The following PKP1 variants were observed in gnomAD, a reference collection of about 807,000 sequenced individuals.
PKP1 encodes plakophilin-1.
Under a neutral mutation model 76.4 loss-of-function variants are expected in PKP1, and 27 were observed. The observed-to-expected ratio is 0.35, with a 90% CI of 0.26 to 0.49. PKP1 has a LOEUF of 0.49. Among genes scored for constraint, PKP1 ranks in the 20% least tolerant of loss-of-function variants. PKP1 has a pLI of 0.99. For missense variants in PKP1, 964 were observed against 955.2 expected, an observed-to-expected ratio of 1.01 and a Z score of -0.12; for synonymous variants, 404 against 384.2, an observed-to-expected ratio of 1.05 and a Z score of -0.60.
In PKP1 at chr1:201,294,044, C is replaced by T. The variant is rs367643085; in HGVS notation, c.305C>T (p.Pro102Leu). ...GCAGGGAATGGCTCATGGGGATATC[C>T]GGTAAGGAACTGCTTCCATCCTAAA... ...FQAGNGSWGYPIYNGTLKREP... is the reference protein window; with the variant it reads ...FQAGNGSWGYLIYNGTLKREP... The change falls in exon 2 of 14, where the codon CCG (proline) becomes CTG (leucine). Residue 102 changes from proline (P) to leucine (L), a missense_variant and splice_region_variant. Coordinates refer to ENST00000367324, the MANE Select transcript of PKP1 (RefSeq NM_001005337.3). 3.0e-5 allele frequency: 48 copies of T among 1,593,444 alleles called. No individual in the cohort carries two copies. The highest frequency in any genetic ancestry group is 1.7e-4 in the Middle Eastern group (1 of 6,052).
intron 8 of PKP1, 21 bp from the exon 9 acceptor site, chr1:201,322,992 T>A (rs372086311): frequency 2.9e-5 from 47 of 1,613,262 alleles, no homozygotes; most frequent in Admixed American, 5.0e-5. Flanking sequence ...TTGACCCCCC[T>A]GACCGGCTCT....
chr1:201,320,785 A>G (rs1424262678), intron 7 of PKP1, among the ~76,000 whole-genome samples: 3 of 152,172 alleles, frequency 2.0e-5, no homozygotes, highest in Non-Finnish European at 4.4e-5. Context: ...GGTGGTGCTG[A>G]GGCCTGTCCT....
intron 12 of PKP1, 90 bp from the exon 13 acceptor site, chr1:201,328,672 G>C (rs777096368): frequency 8.9e-7 from 1 of 1,124,136 alleles, no homozygotes; most frequent in Non-Finnish European, 1.4e-6. Flanking sequence ...GTGAGCCGAG[G>C]TTGCTCTGGG....
intron 2 of PKP1, among the ~76,000 whole-genome samples, chr1:201,301,304 C>T (rs1161379837): frequency 6.6e-6 from 1 of 152,128 alleles, no homozygotes; most frequent in Non-Finnish European, 1.5e-5. Flanking sequence ...CTTTGGCAGC[C>T]CAGGATGCGA....
At chr1:201,296,844 A>G (rs1656092190) in intron 2 of PKP1, among the ~76,000 whole-genome samples, 1 of 152,190 alleles carries the variant, frequency 6.6e-6, no homozygotes, top group Non-Finnish European at 1.5e-5. Context: ...TATTGTCATG[A>G]CCTGGGTTTG....
chr1:201,325,210 C>T (rs1657079381), intron 11 of PKP1, 83 bp downstream of exon 11: 4 of 1,397,068 alleles, frequency 2.9e-6, no homozygotes, highest in African/African-American at 1.4e-5. Context: ...TCCCGCAGCT[C>T]TCCATGGAGT....
intron 3 of PKP1, chr1:201,316,125 C>CGGACGGAT (rs1656724560): frequency 4.2e-5 from 2 of 47,656 alleles, no homozygotes; most frequent in Admixed American, 2.6e-4. Context: ...GACGGATGGA[C>CGGACGGAT]GGACGGACGG....
chr1:201,284,648 G>A lies in PKP1; in HGVS notation c.202+744G>A, dbSNP rs555171517. ...CAGTGGGTCCCTTGACGACAGGGAA[G>A]GGGGTCAGGGATGCTTTCTTTCCCG... is the stretch of plus-strand genomic sequence containing the variant. On this transcript the variant is annotated intron_variant, in intron 1 of 13. Transcript: ENST00000367324. Among the ~76,000 whole-genome samples, 67 of 152,342 alleles carry A rather than the reference G, an allele frequency of 4.4e-4. 1 individual carries two copies. Among genetic ancestry groups the A allele is most frequent in the African/African-American group, 1.5e-3 (64 of 41,582 alleles).
intron 1 of PKP1, 76 bp downstream of exon 1, chr1:201,283,980 G>C (rs1302256459): frequency 7.5e-7 from 1 of 1,340,798 alleles, no homozygotes; most frequent in Non-Finnish European, 1.1e-6. Context: ...ACCAAGAGAC[G>C]CACGCATCCC....
Position 201,313,161 on chromosome 1 carries a change from G to T in PKP1, c.307-5G>T, listed in dbSNP as rs750189404. On this transcript the variant is annotated splice_polypyrimidine_tract_variant and splice_region_variant and intron_variant, in intron 2 of 13. Transcript: ENST00000367324. ...GACTGAGCTTTTCTCCCTTTCCCTG[G>T]CCAGATCTACAATGGAACCCTCAAG... 9.3e-6 allele frequency: 15 copies of T among 1,609,002 alleles called. 1 individual carries two copies. In the Admixed American group the frequency reaches 1.0e-4, roughly 11 times the overall value.
rs1364824507 is a variant in PKP1 at position 201,331,723 on chromosome 1, TG to T, written c.*1687del. On this transcript the variant is annotated 3_prime_UTR_variant, in exon 14 of 14. Transcript: ENST00000367324. Reference sequence around the variant, plus strand: ...TGTGGACTCAGTATGATAACTGAGATGGGGGACGCCAGACATGTGAGGACGC... The same window carrying T: ...TGTGGACTCAGTATGATAACTGAGATGGGGACGCCAGACATGTGAGGACGC... 6.6e-6 allele frequency: 1 copy of T among 152,218 alleles called. No homozygotes were observed. The highest frequency in any genetic ancestry group is 2.4e-5 in the African/African-American group (1 of 41,424). The allele number at this position is 152,218 out of a possible 1,614,324, so 9.4% of individuals were successfully genotyped here.
chr1:201,326,984 G>A (rs3820427), intron 12 of PKP1, among the ~76,000 whole-genome samples: 15,060 of 152,228 alleles, frequency 0.099, 1,071 homozygotes, highest in African/African-American at 0.21. Context: ...AGGACCAGGG[G>A]ATGGACACTG....
At chr1:201,304,456 A>G (rs1475831536) in intron 2 of PKP1, among the ~76,000 whole-genome samples, 2 of 152,178 alleles carry the variant, frequency 1.3e-5, no homozygotes, top group African/African-American at 2.4e-5. Context: ...AGTTATCATG[A>G]CCACAAGGTC....
chr1:201,322,255 C>A (rs549216555), intron 8 of PKP1, 122 bp downstream of exon 8: 3 of 1,051,936 alleles, frequency 2.9e-6, no homozygotes, highest in East Asian at 2.5e-5. Flanking sequence ...GGGACAGGCC[C>A]ATGCTGACAC....
At position 201,286,973 on chromosome 1, in the gene PKP1, G is replaced by A. The variant is rs550152340; in HGVS notation, c.202+3069G>A. On this transcript the variant is annotated intron_variant, in intron 1 of 13. Transcript: ENST00000367324. ...CTTGCCCTAACCCAAGCGCTCCCCC[G>A]CCACTGTGAATACAGATCACACCCA... 9.2e-5 allele frequency among the ~76,000 whole-genome samples: 14 copies of A among 152,162 alleles called. No homozygotes were observed. In the South Asian group the frequency reaches 1.0e-3, roughly 11 times the overall value.
At position 201,328,846 on chromosome 1, in the gene PKP1, G is replaced by A; in HGVS notation, c.*10G>A. 6.2e-7 allele frequency: 1 copy of A among 1,610,622 alleles called. No homozygotes were observed. On this transcript the variant is annotated 3_prime_UTR_variant, in exon 13 of 14. Coordinates refer to ENST00000367324, the MANE Select transcript of PKP1 (RefSeq NM_001005337.3). ...CACCTCCCGATTCTAAGAAGAGACTGTCCAAGCAAGTTAGGCTTGCAGGTA... is the reference window on the plus strand; with the variant it reads ...CACCTCCCGATTCTAAGAAGAGACTATCCAAGCAAGTTAGGCTTGCAGGTA...
rs147863237 is a variant in PKP1 at position 201,293,309 on chromosome 1, C to T, written c.203-633C>T. On this transcript the variant is annotated intron_variant, in intron 1 of 13. Coordinates refer to ENST00000367324, the MANE Select transcript of PKP1 (RefSeq NM_001005337.3). ...CTAATAACCCTAATGACACTCTGTC[C>T]TCCTGCGGAGCCTGTCATTTGTGGG... is the stretch of plus-strand genomic sequence containing the variant. 1.2e-3 allele frequency among the ~76,000 whole-genome samples: 186 copies of T among 152,284 alleles called. 1 individual carries two copies. The highest frequency in any genetic ancestry group is 4.1e-3 in the African/African-American group (171 of 41,556).
intron 2 of PKP1, among the ~76,000 whole-genome samples, chr1:201,301,490 T>C (rs993709050): frequency 6.6e-6 from 1 of 152,162 alleles, no homozygotes; most frequent in South Asian, 2.1e-4. Flanking sequence ...ACACTTATGC[T>C]TGGATGGGCC....
rs771987208 is a variant in PKP1 at position 201,325,133 on chromosome 1, CG to C, written c.2021+12del. 7.4e-6 allele frequency: 12 copies of C among 1,612,822 alleles called. No homozygotes were observed. Among genetic ancestry groups the C allele is most frequent in the Non-Finnish European group, 7.6e-6 (9 of 1,179,756 alleles). On this transcript the variant is annotated splice_region_variant and intron_variant, in intron 11 of 13. Coordinates refer to ENST00000367324, the MANE Select transcript of PKP1 (RefSeq NM_001005337.3). ...ATCAACCTGTGCCGAAGCAGGTGGGCGGGGGGTTGCTCCCACGGGCTGCACC... is the reference window on the plus strand; with the variant it reads ...ATCAACCTGTGCCGAAGCAGGTGGGCGGGGGTTGCTCCCACGGGCTGCACC...
Sources: allele counts gnomAD v4.1 joint callset (sites outside exome capture counted in the v4.1 genomes callset), GRCh38; gene constraint gnomAD v4.1.1; transcripts MANE v1.5; gene names NCBI Gene and HGNC (gene_info 2026-07-23, HGNC 2026-07-21).